MDGA2: variants seen among roughly 807,000 people sequenced by gnomAD.
The protein encoded by MDGA2 is MAM domain-containing glycosylphosphatidylinositol anchor protein 2.
In MDGA2, 40 loss-of-function variants were observed where a neutral mutation model predicts 117.8. The ratio of observed to expected loss-of-function variants is 0.34; its 90% confidence interval spans 0.26 to 0.44. The LOEUF (loss-of-function observed/expected upper bound fraction) is 0.44. Among genes scored for constraint, MDGA2 ranks in the 20% least tolerant of loss-of-function variants. The pLI is 1.00. For synonymous variants in MDGA2, 452 were observed against 439.0 expected (o/e 1.03, Z -0.37); for missense variants, 1,123 against 1,250.6 (o/e 0.90, Z 1.54).
chr14:47,637,282 C>G (rs1177862127), intron 1 of MDGA2, among the ~76,000 whole-genome samples: 3 of 152,180 alleles, frequency 2.0e-5, no homozygotes, highest in African/African-American at 7.2e-5. Flanking sequence ...GCGCTTCTAA[C>G]TCTAACCATT....
intron 1 of MDGA2, among the ~76,000 whole-genome samples, chr14:47,615,421 G>T (rs1480572871): frequency 6.6e-6 from 1 of 152,156 alleles, no homozygotes; most frequent in East Asian, 1.9e-4. Context: ...CAAGATAAAT[G>T]TAAAGTGTAT....
intron 8 of MDGA2, among the ~76,000 whole-genome samples, chr14:47,025,084 T>C (rs1888424278): frequency 6.6e-6 from 1 of 152,172 alleles, no homozygotes; most frequent in Admixed American, 6.5e-5. Flanking sequence ...TTTCTTAATA[T>C]ATGAAACTAT....
intron 3 of MDGA2, among the ~76,000 whole-genome samples, chr14:47,191,688 A>G (rs1014175251): frequency 3.9e-5 from 6 of 152,190 alleles, no homozygotes; most frequent in African/African-American, 9.6e-5. Context: ...ATGAGTTGCT[A>G]CTTTTCTACC....
chr14:47,033,330 G>C (rs1781094384), intron 8 of MDGA2, among the ~76,000 whole-genome samples: 1 of 39,146 alleles, frequency 2.6e-5, no homozygotes, highest in Non-Finnish European at 5.4e-5. Flanking sequence ...GGTTTTACTA[G>C]TATCAGCTTC....
intron 1 of MDGA2, among the ~76,000 whole-genome samples, chr14:47,331,082 T>C (rs953184942): frequency 2.6e-5 from 4 of 151,842 alleles, no homozygotes; most frequent in African/African-American, 9.7e-5. Context: ...TTTTTTATAA[T>C]GAAAATTTTG....
At chr14:47,168,508 G>A (rs889223659) in intron 3 of MDGA2, among the ~76,000 whole-genome samples, 3 of 151,720 alleles carry the variant, frequency 2.0e-5, no homozygotes, top group Admixed American at 1.3e-4. Flanking sequence ...TCTTTTGCTC[G>A]AGTTCTTTTC....
intron 3 of MDGA2, among the ~76,000 whole-genome samples, chr14:47,147,178 T>A (rs935042637): frequency 6.7e-6 from 1 of 150,010 alleles, no homozygotes; most frequent in Non-Finnish European, 1.5e-5. Flanking sequence ...CTTATATATA[T>A]AATAATATAT....
intron 3 of MDGA2, among the ~76,000 whole-genome samples, chr14:47,206,384 A>C (rs1009562937): frequency 5.9e-5 from 9 of 151,746 alleles, no homozygotes; most frequent in Admixed American, 1.3e-4. Context: ...TGAGTCCAGG[A>C]GTTTGAGATT....
rs1353562541 is a variant in MDGA2 at position 47,144,065 on chromosome 14, C to T, written c.792+13G>A. 6.5e-7 allele frequency: 1 copy of T among 1,536,794 alleles called. No individual in the cohort carries two copies. Among genetic ancestry groups the T allele is most frequent in the Non-Finnish European group, 8.8e-7 (1 of 1,137,646 alleles). On this transcript the variant is annotated intron_variant, in intron 4 of 16. Transcript: ENST00000399232. ...AGCAGAGTAGGGTGGAAATACTGTA[C>T]CTTAATTCATACCTGGGTAAAGAAT...
chr14:47,537,574 T>TAAAAAAAAAAAAAAAA (rs58060138), intron 1 of MDGA2, among the ~76,000 whole-genome samples: 1 of 36,630 alleles, frequency 2.7e-5, no homozygotes, highest in Non-Finnish European at 5.6e-5. Context: ...TTCTCTCTGT[T>TAAAAAAAAAAAAAAAA]AAAAAAAAAA....
At chr14:47,003,346 T>C (rs1396847427) in intron 8 of MDGA2, among the ~76,000 whole-genome samples, 2 of 149,518 alleles carry the variant, frequency 1.3e-5, no homozygotes, top group South Asian at 2.1e-4. Flanking sequence ...AATAAGTGAA[T>C]GTTTAATTCC....
rs556426886 is a variant in MDGA2, at chr14:47,104,246, G to A, written c.926-7123C>T. Among the ~76,000 whole-genome samples, 11 of 152,122 alleles carry A rather than the reference G, an allele frequency of 7.2e-5. No individual in the cohort carries two copies. The South Asian group carries it at 8.3e-4, about 11-fold the overall frequency. On this transcript the variant is annotated intron_variant, in intron 5 of 16. Transcript: ENST00000399232. ...CCATCGCATCCCCTGTGACTTGCAC[G>A]TATATGCCCAGATGGCCTGAAGTAA... is the stretch of plus-strand genomic sequence containing the variant.
At chr14:47,210,220 G>A (rs1433744257) in intron 3 of MDGA2, among the ~76,000 whole-genome samples, 1 of 152,130 alleles carries the variant, frequency 6.6e-6, no homozygotes, top group East Asian at 1.9e-4. Flanking sequence ...ATGAAATGCA[G>A]CAATCTACCT....
At chr14:47,206,653 G>T (rs185993014) in intron 3 of MDGA2, among the ~76,000 whole-genome samples, 1 of 152,000 alleles carries the variant, frequency 6.6e-6, no homozygotes, top group Non-Finnish European at 1.5e-5. Context: ...ACATTAGGAC[G>T]TGGAAGCTGG....
intron 1 of MDGA2, among the ~76,000 whole-genome samples, chr14:47,548,407 C>T (rs953004357): frequency 2.0e-5 from 3 of 151,868 alleles, no homozygotes; most frequent in Middle Eastern, 3.2e-3. Flanking sequence ...ATTCCTCCAT[C>T]CCCATAGTTT....
chr14:46,899,974 A>G (rs565230683), intron 10 of MDGA2, among the ~76,000 whole-genome samples: 2 of 152,210 alleles, frequency 1.3e-5, no homozygotes, highest in African/African-American at 2.4e-5. Context: ...TTAGAAAAGA[A>G]AAAAATAAAC....
At chr14:46,907,110 G>A (rs1431792978) in intron 10 of MDGA2, among the ~76,000 whole-genome samples, 1 of 151,354 alleles carries the variant, frequency 6.6e-6, no homozygotes, top group Non-Finnish European at 1.5e-5. Flanking sequence ...CCAAGTAGCT[G>A]GGATTACAGG....
intron 1 of MDGA2, among the ~76,000 whole-genome samples, chr14:47,315,935 A>G (rs1162604685): frequency 1.4e-5 from 2 of 141,878 alleles, no homozygotes; most frequent in Non-Finnish European, 3.0e-5. Context: ...ACAAAACAAA[A>G]CAAAACAAAA....
chr14:47,207,084 T>C (rs1958087), intron 3 of MDGA2, among the ~76,000 whole-genome samples: 134,437 of 151,964 alleles, frequency 0.88, 59,722 homozygotes, highest in African/African-American at 0.93. Flanking sequence ...ACCCTAAGTT[T>C]GTCACTGAGT....
Sources: allele counts gnomAD v4.1 joint callset (sites outside exome capture counted in the v4.1 genomes callset), GRCh38; gene constraint gnomAD v4.1.1; transcripts MANE v1.5; gene names NCBI Gene and HGNC (gene_info 2026-07-23, HGNC 2026-07-21).